Variants in NCKAP5 observed in about 807,000 individuals in gnomAD.
NCKAP5 encodes nck-associated protein 5.
NCKAP5 carries 92 observed loss-of-function variants against 167.0 expected under a neutral mutation model. The observed-to-expected ratio is 0.55, with a 90% CI of 0.47 to 0.66. NCKAP5 has a LOEUF of 0.66. Among genes scored for constraint, NCKAP5 ranks in the 30% least tolerant of loss-of-function variants. The pLI, the probability that NCKAP5 is intolerant of heterozygous loss-of-function variation, is 0.00. For missense variants in NCKAP5, 2,378 were observed against 2,315.0 expected, an observed-to-expected ratio of 1.03 and a Z score of -0.56; for synonymous variants, 891 against 877.4, an observed-to-expected ratio of 1.02 and a Z score of -0.27.
the NCKAP5 span, among the ~76,000 whole-genome samples, chr2:133,657,439 A>G: frequency 6.6e-6 from 1 of 152,204 alleles, no homozygotes; most frequent in Non-Finnish European, 1.5e-5. Context: ...CTTTGCGAAT[A>G]TTTCACTAAA....
At chr2:133,425,794 A>G (rs1689756317) in intron 3 of NCKAP5, among the ~76,000 whole-genome samples, 2 of 152,242 alleles carry the variant, frequency 1.3e-5, no homozygotes, top group Admixed American at 1.3e-4. Context: ...GATATTTGGT[A>G]TGCTAAACAG....
chr2:133,427,052 A>G (rs1266253784), intron 3 of NCKAP5, among the ~76,000 whole-genome samples: 3 of 152,174 alleles, frequency 2.0e-5, no homozygotes, highest in Admixed American at 1.3e-4. Flanking sequence ...CAGTAGGGAG[A>G]GCCATGCAAA....
At chr2:133,029,470 G>A (rs568903874) in intron 6 of NCKAP5, among the ~76,000 whole-genome samples, 11 of 152,248 alleles carry the variant, frequency 7.2e-5, no homozygotes, top group Non-Finnish European at 1.6e-4. Flanking sequence ...GGGAGCAGGG[G>A]GAGGTTCATT....
At chr2:133,283,800 A>G (rs1019691990) in intron 4 of NCKAP5, among the ~76,000 whole-genome samples, 1 of 152,044 alleles carries the variant, frequency 6.6e-6, no homozygotes, top group East Asian at 1.9e-4. Flanking sequence ...TAGTAGAGAT[A>G]GGGTTTCACC....
chr2:133,057,109 T>C (rs1379020027), intron 6 of NCKAP5, among the ~76,000 whole-genome samples: 1 of 152,204 alleles, frequency 6.6e-6, no homozygotes, highest in Non-Finnish European at 1.5e-5. Flanking sequence ...CCACAAATCG[T>C]GCCCATATAA....
intron 6 of NCKAP5, among the ~76,000 whole-genome samples, chr2:133,011,738 C>T (rs1454317395): frequency 6.6e-6 from 1 of 152,160 alleles, no homozygotes; most frequent in African/African-American, 2.4e-5. Flanking sequence ...CATCAACTGG[C>T]AGTGTGTTTG....
chr2:132,742,391 T>C (rs1459868414), intron 16 of NCKAP5, among the ~76,000 whole-genome samples: 1 of 151,928 alleles, frequency 6.6e-6, no homozygotes, highest in East Asian at 1.9e-4. Context: ...TCAAGAAACA[T>C]ATAAAAACCA....
chr2:132,766,957 A>G (rs2104903927), intron 16 of NCKAP5, among the ~76,000 whole-genome samples: 1 of 152,294 alleles, frequency 6.6e-6, no homozygotes, highest in East Asian at 1.9e-4. Flanking sequence ...TGGATGATAA[A>G]CGCTTATAAG....
At chr2:133,247,743 A>C (rs768299853) in intron 4 of NCKAP5, among the ~76,000 whole-genome samples, 1 of 152,106 alleles carries the variant, frequency 6.6e-6, no homozygotes, top group African/African-American at 2.4e-5. Context: ...TCAAGTGTAC[A>C]CTCACTTCCT....
chr2:132,700,630 T>C (rs973799702), intron 19 of NCKAP5, among the ~76,000 whole-genome samples: 1 of 152,196 alleles, frequency 6.6e-6, no homozygotes, highest in Admixed American at 6.6e-5. Flanking sequence ...GATAGATTAA[T>C]ATTAACCCAT....
intron 3 of NCKAP5, among the ~76,000 whole-genome samples, chr2:133,462,535 C>A (rs1296228267): frequency 6.6e-6 from 1 of 152,030 alleles, no homozygotes; most frequent in Non-Finnish European, 1.5e-5. Flanking sequence ...ATGGAAGTTC[C>A]AAATATACTT....
At chr2:133,023,434 C>T (rs867448946) in intron 6 of NCKAP5, among the ~76,000 whole-genome samples, 101 of 152,170 alleles carry the variant, frequency 6.6e-4, no homozygotes, top group African/African-American at 2.4e-3. Flanking sequence ...TGCAAATTAT[C>T]TTTATTGATT....
intron 3 of NCKAP5, among the ~76,000 whole-genome samples, chr2:133,343,422 A>T (rs908967912): frequency 1.4e-5 from 2 of 147,392 alleles, no homozygotes; most frequent in Non-Finnish European, 3.0e-5. Context: ...GCACATGTTT[A>T]AAAAAAAAAA....
chr2:133,057,862 T>C (rs1238939738), intron 6 of NCKAP5, among the ~76,000 whole-genome samples: 1 of 152,242 alleles, frequency 6.6e-6, no homozygotes, highest in African/African-American at 2.4e-5. Flanking sequence ...AGGACTTTCA[T>C]AGCTAGAGAG....
chr2:133,504,239 C>T (rs1440606340), intron 3 of NCKAP5, among the ~76,000 whole-genome samples: 1 of 62,922 alleles, frequency 1.6e-5, no homozygotes, highest in African/African-American at 6.2e-5. Flanking sequence ...AAGGCAATCC[C>T]TGGTGTATCT....
At chr2:133,093,947 C>T (rs1025959041) in intron 6 of NCKAP5, among the ~76,000 whole-genome samples, 1 of 152,126 alleles carries the variant, frequency 6.6e-6, no homozygotes, top group Non-Finnish European at 1.5e-5. Flanking sequence ...CTGGAAGGTC[C>T]CTACCACTGC....
chr2:133,225,846 G>A (rs565312418), intron 4 of NCKAP5, among the ~76,000 whole-genome samples: 11 of 141,144 alleles, frequency 7.8e-5, no homozygotes, highest in South Asian at 4.7e-4. Context: ...TCAGTGGCGC[G>A]ATCTCGGCTC....
chr2:133,591,719 T>G, the NCKAP5 span, among the ~76,000 whole-genome samples: 4 of 152,228 alleles, frequency 2.6e-5, no homozygotes, highest in Non-Finnish European at 4.4e-5. Context: ...TATCCTACTA[T>G]TTTTCTACAT....
chr2:133,109,650 T>C (rs1039378968), intron 6 of NCKAP5, among the ~76,000 whole-genome samples: 2 of 152,192 alleles, frequency 1.3e-5, no homozygotes, highest in Admixed American at 6.5e-5. Flanking sequence ...GTTTGATATT[T>C]TTTGAAAGGC....
Sources: gnomAD v4.1 joint callset for allele counts (sites outside exome capture counted in the v4.1 genomes callset) on GRCh38, gnomAD v4.1.1 for gene constraint, MANE v1.5 for transcripts, NCBI Gene and HGNC (gene_info 2026-07-23, HGNC 2026-07-21) for gene names.